The following UCMA variants were observed in gnomAD, a reference collection of about 807,000 sequenced individuals.
UCMA encodes the protein upper zone of growth plate and cartilage matrix-associated protein.
A neutral mutation model predicts 21.8 loss-of-function variants in UCMA; 21 were observed. The ratio of observed to expected loss-of-function variants is 0.97; its 90% CI spans 0.68 to 1.39. The LOEUF is 1.39. Among genes scored for constraint, UCMA ranks in the 40% most tolerant of loss-of-function variants. UCMA has a pLI of 0.00. For missense variants in UCMA, 193 were observed against 178.9 expected (o/e 1.08, Z -0.45); for synonymous variants, 76 against 67.9 (o/e 1.12, Z -0.58).
intron 4 of UCMA, among the ~76,000 whole-genome samples, chr10:13,227,570 T>C (rs1588489609): frequency 6.6e-6 from 1 of 151,752 alleles, no homozygotes; most frequent in Non-Finnish European, 1.5e-5. Flanking sequence ...ATACAAAAAT[T>C]AGCTGGGCAT....
intron 4 of UCMA, among the ~76,000 whole-genome samples, chr10:13,228,386 G>A (rs998403635): frequency 1.3e-5 from 2 of 152,080 alleles, no homozygotes; most frequent in African/African-American, 4.8e-5. Context: ...AAAGACCAAG[G>A]CTTAGAGAAG....
Position 13,233,487 on chromosome 10 carries a change from G to A in UCMA, c.220+51C>T, listed in dbSNP as rs377208239. 13 of 1,469,324 alleles carry A rather than the reference G, an allele frequency of 8.8e-6. No individual in the cohort carries two copies. In the African/African-American group the frequency reaches 1.8e-4, roughly 20 times the overall value. The allele number at this position is 1,469,324 out of a possible 1,614,324, so 91.0% of individuals were successfully genotyped here. A position where few individuals can be genotyped will look rare whatever the true frequency, so the allele number is the denominator to read the frequency against. Reference sequence around the variant, plus strand: ...TGTGGGAGAGGAGGAGCCGGGGGGTGTGAGCAGAGGTGGTGATGGACGCGG... The same window carrying A: ...TGTGGGAGAGGAGGAGCCGGGGGGTATGAGCAGAGGTGGTGATGGACGCGG... On this transcript the variant is annotated intron_variant, in intron 3 of 4. Coordinates refer to ENST00000378681, the MANE Select transcript of UCMA (RefSeq NM_145314.3).
At chr10:13,226,078 G>C (rs1279809269) in intron 4 of UCMA, among the ~76,000 whole-genome samples, 2 of 152,130 alleles carry the variant, frequency 1.3e-5, no homozygotes, top group African/African-American at 4.8e-5. Flanking sequence ...TGATTTACAA[G>C]AACAGGAGCT....
chr10:13,231,063 T>TA (rs1328746365), intron 3 of UCMA, among the ~76,000 whole-genome samples: 1 of 107,512 alleles, frequency 9.3e-6, no homozygotes, highest in Non-Finnish European at 1.9e-5. Flanking sequence ...AATAAATAAA[T>TA]AAACAAACAA....
chr10:13,225,056 T>A (rs1054954705), intron 4 of UCMA, among the ~76,000 whole-genome samples: 1 of 137,914 alleles, frequency 7.3e-6, no homozygotes, highest in Admixed American at 7.2e-5. Flanking sequence ...TCAGCATCCC[T>A]TTTTTTGTTG....
intron 4 of UCMA, among the ~76,000 whole-genome samples, chr10:13,225,632 G>A (rs531645513): frequency 4.3e-5 from 6 of 140,880 alleles, no homozygotes; most frequent in Non-Finnish European, 7.5e-5. Flanking sequence ...CCGAGATAGC[G>A]CCACTGCACT....
chr10:13,232,506 C>T (rs944097988), intron 3 of UCMA, among the ~76,000 whole-genome samples: 2 of 152,090 alleles, frequency 1.3e-5, no homozygotes, highest in African/African-American at 4.8e-5. Context: ...CCCTCCCAAC[C>T]TTTCAGTGCT....
chr10:13,224,422 GA>G (rs1834798570), intron 4 of UCMA, among the ~76,000 whole-genome samples: 1 of 151,878 alleles, frequency 6.6e-6, no homozygotes, highest in Admixed American at 6.6e-5. Context: ...AAAAAGAAAG[GA>G]AAAGGAAGAA....
At chr10:13,228,215 A>C (rs2131604988) in intron 4 of UCMA, among the ~76,000 whole-genome samples, 1 of 151,848 alleles carries the variant, frequency 6.6e-6, no homozygotes, top group African/African-American at 2.4e-5. Context: ...GTGCACCATC[A>C]CGCCTGGCTA....
At chr10:13,232,404 A>G (rs1375518280) in intron 3 of UCMA, among the ~76,000 whole-genome samples, 1 of 149,572 alleles carries the variant, frequency 6.7e-6, no homozygotes, top group Non-Finnish European at 1.5e-5. Context: ...AAGAGGACAG[A>G]AGCTATTTGC....
chr10:13,227,396 A>G (rs576075820), intron 4 of UCMA, among the ~76,000 whole-genome samples: 1 of 152,362 alleles, frequency 6.6e-6, no homozygotes, highest in East Asian at 1.9e-4. Context: ...CAGGAGCATT[A>G]CAATCTTGAA....
At position 13,231,004 on chromosome 10, in the gene UCMA, G is replaced by A. The variant is rs191712477; in HGVS notation, c.221-1295C>T. ...CCGGGGAGGTGGAGGTTGAGATCAC[G>A]CCACTGCACTCCAGCCTGGGCAACA... On this transcript the variant is annotated intron_variant, in intron 3 of 4. Coordinates refer to ENST00000378681, the MANE Select transcript of UCMA (RefSeq NM_145314.3). Among the ~76,000 whole-genome samples the A allele has an allele frequency of 2.6e-3, 394 of 152,058 alleles. 1 individual carries two copies. The highest frequency in any genetic ancestry group is 5.1e-3 in the Non-Finnish European group (347 of 68,000).
At chr10:13,223,116 C>T (rs185676640) in intron 4 of UCMA, among the ~76,000 whole-genome samples, 1 of 151,724 alleles carries the variant, frequency 6.6e-6, no homozygotes, top group East Asian at 2.0e-4. Context: ...ATCCCAGCTA[C>T]TCAGGAGGCT....
intron 4 of UCMA, among the ~76,000 whole-genome samples, chr10:13,228,861 G>T (rs922942308): frequency 3.9e-5 from 6 of 152,088 alleles, no homozygotes; most frequent in Admixed American, 3.9e-4. Context: ...AAGCCAATGG[G>T]AATAAGGGTA....
intron 1 of UCMA, 75 bp from the exon 2 acceptor site, chr10:13,233,875 C>A: frequency 1.9e-6 from 3 of 1,576,122 alleles, no homozygotes; most frequent in Non-Finnish European, 2.6e-6. Flanking sequence ...CCCCATCTCT[C>A]TTTCCAGGCT....
chr10:13,229,812 G>T, intron 3 of UCMA, 103 bp from the exon 4 acceptor site: 1 of 904,036 alleles, frequency 1.1e-6, no homozygotes, highest in Non-Finnish European at 1.7e-6. Flanking sequence ...CTGGTTGGGG[G>T]ATGAGTGGTT....
chr10:13,232,371 CAAAAAAAAAAAAAA>C (rs34527224), intron 3 of UCMA, among the ~76,000 whole-genome samples: 5 of 69,586 alleles, frequency 7.2e-5, no homozygotes, highest in African/African-American at 2.9e-4. Context: ...GACTCCATCT[CAAAAAAAAAAAAAA>C]AAAAAAAAAA....
intron 4 of UCMA, among the ~76,000 whole-genome samples, chr10:13,227,776 A>ACACT (rs1271154804): frequency 1.4e-5 from 2 of 145,068 alleles, no homozygotes; most frequent in East Asian, 2.0e-4. Context: ...ACACACACAC[A>ACACT]CACATTCTCT....
At chr10:13,226,199 T>C (rs1466412189) in intron 4 of UCMA, among the ~76,000 whole-genome samples, 1 of 66,614 alleles carries the variant, frequency 1.5e-5, no homozygotes, top group Admixed American at 1.7e-4. Context: ...TTGTTGTGGA[T>C]TTTTTTTTTT....
Sources: allele counts gnomAD v4.1 joint callset (sites outside exome capture counted in the v4.1 genomes callset), GRCh38; gene constraint gnomAD v4.1.1; transcripts MANE v1.5; gene names NCBI Gene and HGNC (gene_info 2026-07-23, HGNC 2026-07-21).